Variants in GABRG2 observed in about 807,000 individuals in gnomAD.
GABRG2 encodes the protein gamma-aminobutyric acid type A receptor subunit gamma2, also known as gamma-aminobutyric acid receptor subunit gamma-2.
A neutral mutation model predicts 56.4 loss-of-function variants in GABRG2; 16 were observed. The ratio of observed to expected loss-of-function variants is 0.28; its 90% confidence interval spans 0.19 to 0.43. GABRG2 has a LOEUF of 0.43. Ranked by LOEUF, GABRG2 falls within the 20% of genes least tolerant of loss-of-function variation. The probability of loss-of-function intolerance (pLI) is 1.00; values close to 1 mark genes in which losing one functional copy is unlikely to be tolerated. For missense variants in GABRG2, 327 were observed against 582.7 expected (o/e 0.56, Z 4.52); for synonymous variants, 208 against 205.5 (o/e 1.01, Z -0.10).
chr5:162,092,052 A>G (rs1760642939), intron 1 of GABRG2, among the ~76,000 whole-genome samples: 1 of 152,118 alleles, frequency 6.6e-6, no homozygotes, highest in Non-Finnish European at 1.5e-5. Flanking sequence ...AAATTACTTT[A>G]CCAGAGAGCT....
chr5:162,145,737 A>T (rs1764905929), intron 7 of GABRG2, among the ~76,000 whole-genome samples: 1 of 152,216 alleles, frequency 6.6e-6, no homozygotes, highest in African/African-American at 2.4e-5. Flanking sequence ...TTTTAAAAAA[A>T]TTAACTCATC....
chr5:162,071,113 G>C lies in GABRG2; in HGVS notation c.107+3007G>C, dbSNP rs192165313. Among the ~76,000 whole-genome samples, 131 of 151,188 alleles carry C rather than the reference G, an allele frequency of 8.7e-4. 1 individual carries two copies. Among genetic ancestry groups the C allele is most frequent in the Admixed American group, 7.7e-3 (117 of 15,158 alleles). On this transcript the variant is annotated intron_variant, in intron 1 of 9. Coordinates refer to ENST00000639213, the MANE Select transcript of GABRG2 (RefSeq NM_198904.4). ...CAACATTAGTTATAAGAAGATATTG[G>C]CTCCAAAAAAATAAAACATATATAC...
chr5:162,081,890 C>T (rs754340549), intron 1 of GABRG2, among the ~76,000 whole-genome samples: 2 of 151,962 alleles, frequency 1.3e-5, no homozygotes, highest in Non-Finnish European at 2.9e-5. Context: ...TAACATATTA[C>T]ACAGTAATTC....
At chr5:162,080,082 G>A (rs1181045091) in intron 1 of GABRG2, among the ~76,000 whole-genome samples, 1 of 152,178 alleles carries the variant, frequency 6.6e-6, no homozygotes, top group Non-Finnish European at 1.5e-5. Flanking sequence ...TAAATGCAAG[G>A]TGGACAAATT....
intron 1 of GABRG2, chr5:162,083,518 A>T (rs952417195): frequency 5.3e-6 from 1 of 188,228 alleles, no homozygotes; most frequent in Non-Finnish European, 1.1e-5. Context: ...CTTTCTTCTT[A>T]CCCACATAAA....
At chr5:162,073,898 G>T (rs1758873838) in intron 1 of GABRG2, among the ~76,000 whole-genome samples, 1 of 151,874 alleles carries the variant, frequency 6.6e-6, no homozygotes, top group Non-Finnish European at 1.5e-5. Context: ...CTTCTTCAAG[G>T]ATCCTTTACT....
At chr5:162,095,627 T>C (rs1200275071) in intron 3 of GABRG2, 65 bp downstream of exon 3, 26 of 1,193,138 alleles carry the variant, frequency 2.2e-5, no homozygotes, top group Non-Finnish European at 3.1e-5. Context: ...TGTGATGTCA[T>C]GGAAATAGCA....
chr5:162,151,000 G>C (rs1378450177), intron 8 of GABRG2: 1 of 152,154 alleles, frequency 6.6e-6, no homozygotes, highest in Non-Finnish European at 1.5e-5. Flanking sequence ...TCAAGAAGGT[G>C]GTTCTATTGA....
At chr5:162,067,569 G>GC, upstream of GABRG2, 1 of 462,770 alleles carries the variant, frequency 2.2e-6, no homozygotes, top group Non-Finnish European at 3.8e-6. Flanking sequence ...ACAGGGCTCT[G>GC]CCCCCTGTAA....
rs868390429 is a variant in GABRG2, at chr5:162,142,161, C to T, written c.770-3C>T. ...GTATGGTGTTATCTTTGGTCTGTTC[C>T]AGGAGATTATGTGGTCATGTCTGTC... On this transcript the variant is annotated splice_region_variant and splice_polypyrimidine_tract_variant and intron_variant, in intron 6 of 9. Coordinates refer to ENST00000639213, the MANE Select transcript of GABRG2 (RefSeq NM_198904.4). 1.9e-6 allele frequency: 3 copies of T among 1,613,782 alleles called. No individual in the cohort carries two copies. The highest frequency in any genetic ancestry group is 2.2e-5 in the South Asian group (2 of 91,060).
Position 162,153,086 on chromosome 5 carries a change from G to T in GABRG2, c.1153-7G>T. The T allele has an allele frequency of 2.5e-6, 4 of 1,613,682 alleles. No homozygotes were observed. The highest frequency in any genetic ancestry group is 3.4e-6 in the Non-Finnish European group (4 of 1,179,880). On this transcript the variant is annotated splice_region_variant and splice_polypyrimidine_tract_variant and intron_variant, in intron 9 of 9. Coordinates refer to ENST00000639213, the MANE Select transcript of GABRG2 (RefSeq NM_198904.4). The stretch of plus-strand genomic sequence containing the variant: ...CTGATCCCTCTCCTTCCCTACCCTC[G>T]TCCCAGGCCCCTACCATTGATATCC...
At chr5:162,153,033 C>A in intron 9 of GABRG2, 60 bp from the exon 10 acceptor site, 2 of 1,601,798 alleles carry the variant, frequency 1.2e-6, no homozygotes, top group Admixed American at 3.3e-5. Context: ...TGTGGAAAAA[C>A]AGCCTAGGAT....
At position 162,153,137 on chromosome 5, in the gene GABRG2, G is replaced by T. The variant is rs1581462722; in HGVS notation, c.1197G>T (p.Met399Ile). The change falls in exon 10 of 10, where the codon ATG (methionine) becomes ATT (isoleucine). Residue 399 changes from methionine (M) to isoleucine (I), a missense_variant. Met to Ile is a conservative substitution (Grantham distance 10, BLOSUM62 1). This residue lies in a region of GABRG2 where 108 missense variants were observed against 144.2 expected (regional missense o/e 0.75). Coordinates refer to ENST00000639213, the MANE Select transcript of GABRG2 (RefSeq NM_198904.4). ...GCCCAAGATCAGCAACCATTCAAAT[G>T]AATAATGCTACACACCTTCAAGAGA... is the stretch of plus-strand genomic sequence containing the variant. ...DIRPRSATIQ[M>I]NNATHLQERD... 2 of 1,613,960 alleles carry T rather than the reference G, an allele frequency of 1.2e-6. No individual in the cohort carries two copies. The highest frequency in any genetic ancestry group is 1.7e-6 in the Non-Finnish European group (2 of 1,179,956).
upstream of GABRG2, chr5:162,067,525 A>AT (rs929024240): frequency 1.6e-5 from 7 of 430,468 alleles, no homozygotes; most frequent in South Asian, 8.1e-5. Flanking sequence ...GTCTCTAGTG[A>AT]TTTTTTTCCT....
intron 3 of GABRG2, among the ~76,000 whole-genome samples, chr5:162,097,074 A>G (rs773459651): frequency 5.3e-5 from 8 of 152,104 alleles, no homozygotes; most frequent in Non-Finnish European, 1.2e-4. Flanking sequence ...AATATAGGCC[A>G]ACTGACTTTC....
chr5:162,142,600 G>A (rs1389512573), intron 7 of GABRG2: 2 of 358,446 alleles, frequency 5.6e-6, no homozygotes, highest in Non-Finnish European at 1.1e-5. Flanking sequence ...TCCTTTGTAG[G>A]GACATGGATG....
intron 6 of GABRG2, among the ~76,000 whole-genome samples, chr5:162,125,560 A>G (rs1581408209): frequency 1.3e-5 from 2 of 151,816 alleles, no homozygotes; most frequent in East Asian, 3.9e-4. Context: ...GTTTTTAAAC[A>G]CTACTTGTTA....
At chr5:162,071,273 C>G (rs1184775622) in intron 1 of GABRG2, among the ~76,000 whole-genome samples, 2 of 149,430 alleles carry the variant, frequency 1.3e-5, no homozygotes, top group Non-Finnish European at 3.0e-5. Flanking sequence ...AGTAAAAATA[C>G]CCTAAAGGGA....
chr5:162,128,785 A>C (rs1030096619), intron 6 of GABRG2, among the ~76,000 whole-genome samples: 5 of 151,972 alleles, frequency 3.3e-5, no homozygotes, highest in Non-Finnish European at 7.4e-5. Flanking sequence ...TTATCCTGTT[A>C]TTATTTCAGT....
Sources: gnomAD v4.1 joint callset for allele counts (sites outside exome capture counted in the v4.1 genomes callset) on GRCh38, gnomAD v4.1.1 for gene constraint, gnomAD v4.1.1 regional missense constraint, MANE v1.5 for transcripts, NCBI Gene and HGNC (gene_info 2026-07-23, HGNC 2026-07-21) for gene names.